The following TAF5 variants were observed in gnomAD, a reference collection of about 807,000 sequenced individuals.
TAF5 encodes the protein TATA-box binding protein associated factor 5, also known as transcription initiation factor TFIID subunit 5.
A neutral mutation model predicts 80.9 loss-of-function variants in TAF5; 20 were observed. That is an observed-to-expected ratio of 0.25 (90% CI 0.17 to 0.36). The LOEUF (loss-of-function observed/expected upper bound fraction) is 0.36, where lower values mean the gene tolerates loss of function less well. Ranked by LOEUF, TAF5 falls within the 10% of genes least tolerant of loss-of-function variation. TAF5 has a pLI of 1.00. For missense variants in TAF5, 863 were observed against 1,029.4 expected (o/e 0.84, Z 2.21); for synonymous variants, 388 against 406.4 (o/e 0.95, Z 0.55).
chr10:103,376,415 C>T (rs1469110619), intron 2 of TAF5, among the ~76,000 whole-genome samples: 1 of 151,932 alleles, frequency 6.6e-6, no homozygotes, highest in Non-Finnish European at 1.5e-5. Context: ...TTAATACAAG[C>T]AACAGAGCCT....
At position 103,388,346 on chromosome 10, in the gene TAF5, T is replaced by C; in HGVS notation, c.*123T>C. 1.2e-6 allele frequency: 1 copy of C among 855,930 alleles called. No homozygotes were observed. The highest frequency in any genetic ancestry group is 1.8e-5 in the South Asian group (1 of 56,436). The allele number at this position is 855,930 out of a possible 1,614,324, so 53.0% of individuals were successfully genotyped here. ...TTTTGTCTATATGGATCTGGAAGTATGCTGCTTGGAAAAATCTGAACAGGA... is the reference window on the plus strand; with the variant it reads ...TTTTGTCTATATGGATCTGGAAGTACGCTGCTTGGAAAAATCTGAACAGGA... On this transcript the variant is annotated 3_prime_UTR_variant, in exon 11 of 11. Transcript: ENST00000369839.
In TAF5 at chr10:103,388,307, G is replaced by A. The variant is rs1406354096; in HGVS notation, c.*84G>A. The A allele has an allele frequency of 1.7e-6, 2 of 1,201,302 alleles. No individual in the cohort carries two copies. Among genetic ancestry groups the A allele is most frequent in the Non-Finnish European group, 2.3e-6 (2 of 853,108 alleles). 74.4% of individuals were successfully genotyped at this position (1,201,302 alleles called of 1,614,324 possible). On this transcript the variant is annotated 3_prime_UTR_variant, in exon 11 of 11. Transcript: ENST00000369839. Reference sequence around the variant, plus strand: ...AAATACCTCAGTGATTAATATTTAAGCTACAGAGAATGTTTTTGTCTATAT... The same window carrying A: ...AAATACCTCAGTGATTAATATTTAAACTACAGAGAATGTTTTTGTCTATAT...
intron 1 of TAF5, among the ~76,000 whole-genome samples, chr10:103,369,614 C>T (rs1208523416): frequency 2.0e-5 from 3 of 152,162 alleles, no homozygotes; most frequent in South Asian, 4.1e-4. Flanking sequence ...GCACCCACCT[C>T]TGCGTCCCAA....
chr10:103,381,981 C>T, intron 6 of TAF5, 140 bp downstream of exon 6: 3 of 1,261,012 alleles, frequency 2.4e-6, no homozygotes, highest in Non-Finnish European at 3.3e-6. Flanking sequence ...ACATTCCCAA[C>T]AGTGAAAAAA....
rs778624398 is a variant in TAF5 at position 103,368,005 on chromosome 10, G to A, written c.16G>A (p.Glu6Lys). The change falls in exon 1 of 11, where the codon GAG (glutamate) becomes AAG (lysine). Residue 6 changes from glutamate to lysine, a missense_variant. Coordinates refer to ENST00000369839, the MANE Select transcript of TAF5 (RefSeq NM_006951.5). The stretch of plus-strand genomic sequence containing the variant: ...CAGCCGCAAGATGGCGGCGCTGGCG[G>A]AGGAGCAGACGGAGGTGGCGGTCAA... Reference protein sequence around the residue: MAALAEEQTEVAVKLE... With the variant: MAALAKEQTEVAVKLE... 6.8e-7 allele frequency: 1 copy of A among 1,462,020 alleles called. No homozygotes were observed. Among genetic ancestry groups the A allele is most frequent in the Non-Finnish European group, 9.0e-7 (1 of 1,113,788 alleles). 90.6% of individuals were successfully genotyped at this position (1,462,020 alleles called of 1,614,324 possible). A position where few individuals can be genotyped will look rare whatever the true frequency, so the allele number is the denominator to read the frequency against.
At chr10:103,385,196 G>A (rs2093392988) in intron 7 of TAF5, 130 bp from the exon 8 acceptor site, 2 of 679,262 alleles carry the variant, frequency 2.9e-6, no homozygotes, top group Non-Finnish European at 2.3e-6. Context: ...AAAGTGAGAT[G>A]CAGCATGTTA....
intron 8 of TAF5, among the ~76,000 whole-genome samples, chr10:103,386,193 C>G (rs2093395928): frequency 6.6e-6 from 1 of 151,956 alleles, no homozygotes; most frequent in African/African-American, 2.4e-5. Context: ...AATCCCAGCA[C>G]TTTGGGAGGC....
At chr10:103,381,360 G>A (rs1015794133) in intron 5 of TAF5, among the ~76,000 whole-genome samples, 25 of 152,058 alleles carry the variant, frequency 1.6e-4, no homozygotes, top group Non-Finnish European at 3.1e-4. Flanking sequence ...TCTGCCTCCT[G>A]GGTTCAAGTG....
At chr10:103,372,632 C>T (rs1332107927) in intron 1 of TAF5, among the ~76,000 whole-genome samples, 5 of 150,326 alleles carry the variant, frequency 3.3e-5, no homozygotes, top group Admixed American at 6.6e-5. Flanking sequence ...CCGCACCCGG[C>T]GGCTCATACT....
intron 1 of TAF5, among the ~76,000 whole-genome samples, chr10:103,370,242 T>A (rs12781182): frequency 3.4e-5 from 5 of 148,092 alleles, no homozygotes; most frequent in South Asian, 4.3e-4. Context: ...AAAAAAAAAA[T>A]TTTTTTTTTA....
At chr10:103,370,485 C>CT (rs2093356978) in intron 1 of TAF5, among the ~76,000 whole-genome samples, 1 of 151,564 alleles carries the variant, frequency 6.6e-6, no homozygotes, top group Non-Finnish European at 1.5e-5. Flanking sequence ...GCCACCATGC[C>CT]TGGCTAATTT....
chr10:103,379,915 A>G lies in TAF5; in HGVS notation c.1309A>G (p.Lys437Glu). The change falls in exon 5 of 11, where the codon AAG (lysine) becomes GAG (glutamate). Residue 437 changes from lysine (K) to glutamate (E), a missense_variant. Around this residue, in one of 3 missense-constraint regions of TAF5, gnomAD observed 368 missense variants for 461.7 expected, o/e 0.80. Transcript: ENST00000369839. ...IPLPELKDSDKLDKIMNMKET... is the reference protein window; with the variant it reads ...IPLPELKDSDELDKIMNMKET... The stretch of plus-strand genomic sequence containing the variant: ...TCTTCCTGAGTTGAAAGATTCAGAT[A>G]AGTTGGATAAGATAATGAATATGAA... 6.2e-7 allele frequency: 1 copy of G among 1,613,366 alleles called. No homozygotes were observed.
intron 3 of TAF5, 66 bp from the exon 4 acceptor site, chr10:103,379,542 C>G: frequency 7.7e-7 from 1 of 1,296,378 alleles, no homozygotes; most frequent in Admixed American, 2.7e-5. Context: ...TTTATCCTAT[C>G]AAGATGTAAA....
chr10:103,367,989 G>C lies in TAF5; in HGVS notation c.-1G>C. 6.8e-7 allele frequency: 1 copy of C among 1,462,320 alleles called. No homozygotes were observed. The highest frequency in any genetic ancestry group is 9.0e-7 in the Non-Finnish European group (1 of 1,114,472). The allele number at this position is 1,462,320 out of a possible 1,614,324, so 90.6% of individuals were successfully genotyped here. On this transcript the variant is annotated 5_prime_UTR_variant, in exon 1 of 11. Coordinates refer to ENST00000369839, the MANE Select transcript of TAF5 (RefSeq NM_006951.5). ...ACGGCGCGAGGTGGCTCAGCCGCAA[G>C]ATGGCGGCGCTGGCGGAGGAGCAGA...
rs200607378 is a variant in TAF5 at position 103,387,527 on chromosome 10, A to G, written c.2014A>G (p.Ile672Val). The G allele has an allele frequency of 8.7e-6, 14 of 1,612,548 alleles. No homozygotes were observed. The African/African-American group carries it at 1.2e-4, about 14-fold the overall frequency. ...TCTATGAACTTTTTTCTAGGGACCAATTCATTCCTTGACATTTTCTCCCAA... is the reference window on the plus strand; with the variant it reads ...TCTATGAACTTTTTTCTAGGGACCAGTTCATTCCTTGACATTTTCTCCCAA... ...VRIFTGHKGPIHSLTFSPNGR... is the reference protein window; with the variant it reads ...VRIFTGHKGPVHSLTFSPNGR... The change falls in exon 10 of 11, where the codon ATT becomes GTT. Residue 672 changes from isoleucine to valine, a missense_variant. By Grantham distance (29) the Ile-to-Val change is conservative (BLOSUM62 3). Coordinates refer to ENST00000369839, the MANE Select transcript of TAF5 (RefSeq NM_006951.5).
rs780026179 is a variant in TAF5, at chr10:103,388,215, C to G, written c.2395C>G (p.Pro799Ala). ...NLVLAAGAYS[P>A]Q ...GGTTCTAGCTGCAGGAGCTTATAGT[C>G]CACAATAAACCATCGGTATTAAAGA... The change falls in exon 11 of 11, where the codon CCA (proline) becomes GCA (alanine). Residue 799 changes from proline (P) to alanine (A), a missense_variant. By Grantham distance (27) the Pro-to-Ala change is conservative (BLOSUM62 -1). This residue lies in a region of TAF5 where 368 missense variants were observed against 461.7 expected (regional missense o/e 0.80). Transcript: ENST00000369839. 6.2e-7 allele frequency: 1 copy of G among 1,611,950 alleles called. No individual in the cohort carries two copies. Among genetic ancestry groups the G allele is most frequent in the Non-Finnish European group, 8.5e-7 (1 of 1,179,318 alleles).
chr10:103,369,254 C>T (rs555076420), intron 1 of TAF5, among the ~76,000 whole-genome samples: 6 of 152,272 alleles, frequency 3.9e-5, no homozygotes, highest in South Asian at 4.1e-4. Flanking sequence ...GCTGGGATTA[C>T]AGGCGTGAGA....
At chr10:103,369,905 T>C (rs2093355200) in intron 1 of TAF5, among the ~76,000 whole-genome samples, 1 of 152,138 alleles carries the variant, frequency 6.6e-6, no homozygotes, top group Non-Finnish European at 1.5e-5. Context: ...GTGATGCTGA[T>C]TGTCATTATT....
rs1299493939 is a variant in TAF5, at chr10:103,381,769, G to A, written c.1462G>A (p.Gly488Ser). The A allele has an allele frequency of 6.2e-7, 1 of 1,614,142 alleles. No individual in the cohort carries two copies. Among genetic ancestry groups the A allele is most frequent in the East Asian group, 2.2e-5 (1 of 44,882 alleles). The change falls in exon 6 of 11, where the codon GGT (glycine) becomes AGT (serine). Residue 488 changes from glycine (G) to serine (S), a missense_variant. Coordinates refer to ENST00000369839, the MANE Select transcript of TAF5 (RefSeq NM_006951.5). The stretch of plus-strand genomic sequence containing the variant: ...TGATGATTCTAGTCTGATTGCTGGA[G>A]GTTTTGCAGATTCAACTGTCAGAGT... ...VTDDSSLIAG[G>S]FADSTVRVWS...
Sources: gnomAD v4.1 joint callset for allele counts (sites outside exome capture counted in the v4.1 genomes callset) on GRCh38, gnomAD v4.1.1 for gene constraint, gnomAD v4.1.1 regional missense constraint, MANE v1.5 for transcripts, NCBI Gene and HGNC (gene_info 2026-07-23, HGNC 2026-07-21) for gene names.